SH2D4A: variants seen among roughly 807,000 people sequenced by gnomAD.
The protein encoded by SH2D4A is SH2 domain-containing protein 4A.
Under a neutral mutation model 64.7 loss-of-function variants are expected in SH2D4A, and 70 were observed. That is an observed-to-expected ratio of 1.08 (90% CI 0.89 to 1.32). The LOEUF (loss-of-function observed/expected upper bound fraction) is 1.32, where lower values mean the gene tolerates loss of function less well. SH2D4A is among the 40% of genes most tolerant of loss of function. SH2D4A has a pLI of 0.00. For missense variants in SH2D4A, 706 were observed against 540.1 expected, an observed-to-expected ratio of 1.31 and a Z score of -3.04; for synonymous variants, 268 against 200.7, an observed-to-expected ratio of 1.34 and a Z score of -2.83.
chr8:19,387,795 G>A lies in SH2D4A; in HGVS notation c.1049-5523G>A, dbSNP rs143070988. ...GATCTGTATAATGCAGATCAGTAGG[G>A]TTGTTCCTGCCTCAATATGTGCATG... On this transcript the variant is annotated intron_variant, in intron 8 of 9. Coordinates refer to ENST00000265807, the MANE Select transcript of SH2D4A (RefSeq NM_022071.4). Among the ~76,000 whole-genome samples the A allele has an allele frequency of 1.5e-3, 228 of 152,294 alleles. 7 individuals are homozygous for A. The East Asian group carries it at 0.033, about 22-fold the overall frequency.
chr8:19,393,646 A>T, intron 9 of SH2D4A, 105 bp downstream of exon 9: 11 of 1,023,886 alleles, frequency 1.1e-5, no homozygotes, highest in Non-Finnish European at 1.6e-5. Flanking sequence ...AGTACTGGGG[A>T]GGGGACAGGG....
intron 8 of SH2D4A, 60 bp from the exon 9 acceptor site, chr8:19,393,258 C>A: frequency 6.7e-7 from 1 of 1,492,688 alleles, no homozygotes; most frequent in Non-Finnish European, 9.3e-7. Context: ...CTGGATTTAA[C>A]AGAGGGGATT....
intron 8 of SH2D4A, among the ~76,000 whole-genome samples, chr8:19,391,625 G>A (rs967250071): frequency 1.3e-5 from 2 of 152,200 alleles, no homozygotes; most frequent in African/African-American, 2.4e-5. Context: ...CTGGGACTCT[G>A]CAGTGGGACA....
intron 2 of SH2D4A, among the ~76,000 whole-genome samples, chr8:19,326,764 G>A (rs960646092): frequency 6.6e-6 from 1 of 152,136 alleles, no homozygotes; most frequent in African/African-American, 2.4e-5. Context: ...TGAATCCAGT[G>A]GGGGTGGAGA....
intron 2 of SH2D4A, among the ~76,000 whole-genome samples, chr8:19,331,587 G>A (rs1254110557): frequency 6.6e-6 from 1 of 152,190 alleles, no homozygotes; most frequent in Non-Finnish European, 1.5e-5. Context: ...TATTTAAGTA[G>A]CTTCACCAAG....
At position 19,394,655 on chromosome 8, in the gene SH2D4A, G is replaced by A. The variant is rs377116883; in HGVS notation, c.*13G>A. ...GCTGTTTGAGTGACAGCCTCCATCA[G>A]GGTCATCCTACAGCCTCCAAGCGGG... On this transcript the variant is annotated 3_prime_UTR_variant, in exon 10 of 10. Coordinates refer to ENST00000265807, the MANE Select transcript of SH2D4A (RefSeq NM_022071.4). 1 of 1,594,578 alleles carries A rather than the reference G, an allele frequency of 6.3e-7. No individual in the cohort carries two copies. The highest frequency in any genetic ancestry group is 1.3e-5 in the African/African-American group (1 of 74,476).
At chr8:19,332,560 T>G (rs1451653823) in intron 2 of SH2D4A, among the ~76,000 whole-genome samples, 1 of 151,574 alleles carries the variant, frequency 6.6e-6, no homozygotes, top group African/African-American at 2.4e-5. Flanking sequence ...TAGCTGGGCA[T>G]GGTGGCAGGT....
intron 1 of SH2D4A, among the ~76,000 whole-genome samples, chr8:19,315,227 T>A (rs2052067215): frequency 6.6e-6 from 1 of 152,052 alleles, no homozygotes; most frequent in Non-Finnish European, 1.5e-5. Flanking sequence ...CCTCAAACTC[T>A]CCAACTCAAG....
At chr8:19,363,922 T>A (rs2052937763) in intron 6 of SH2D4A, 150 bp from the exon 7 acceptor site, 5 of 704,120 alleles carry the variant, frequency 7.1e-6, no homozygotes. Context: ...ATGGCCTGGA[T>A]CATAGGTGTT....
rs1220174712 is a variant in SH2D4A, at chr8:19,394,548, A to G, written c.1273-2A>G. ...TCTGACCCCGTGCCTTCTGATTGACAGGAGGAACCCATCACTTCCCTGGGG... is the reference window on the plus strand; with the variant it reads ...TCTGACCCCGTGCCTTCTGATTGACGGGAGGAACCCATCACTTCCCTGGGG... On this transcript the variant is annotated splice_acceptor_variant, in intron 9 of 9. Coordinates refer to ENST00000265807, the MANE Select transcript of SH2D4A (RefSeq NM_022071.4). LOFTEE classifies it high-confidence loss of function. 1.2e-6 allele frequency: 2 copies of G among 1,602,288 alleles called. No individual in the cohort carries two copies. The highest frequency in any genetic ancestry group is 1.3e-5 in the African/African-American group (1 of 74,754).
intron 8 of SH2D4A, among the ~76,000 whole-genome samples, chr8:19,380,989 G>C (rs749452570): frequency 1.3e-5 from 2 of 151,560 alleles, no homozygotes; most frequent in Non-Finnish European, 2.9e-5. Flanking sequence ...TCTAATCCAG[G>C]AACATGGGAT....
chr8:19,336,032 AG>A (rs1361813393), intron 4 of SH2D4A, among the ~76,000 whole-genome samples: 3 of 152,170 alleles, frequency 2.0e-5, no homozygotes, highest in Non-Finnish European at 2.9e-5. Context: ...GCCTCCTCCT[AG>A]GACCTAGTGA....
At chr8:19,384,671 TTA>T (rs890093959) in intron 8 of SH2D4A, among the ~76,000 whole-genome samples, 15 of 152,350 alleles carry the variant, frequency 9.8e-5, no homozygotes, top group African/African-American at 3.6e-4. Context: ...TGGCTTCAGA[TTA>T]TGAGTCTCCA....
At chr8:19,384,805 C>A (rs548303944) in intron 8 of SH2D4A, among the ~76,000 whole-genome samples, 1 of 152,160 alleles carries the variant, frequency 6.6e-6, no homozygotes, top group Non-Finnish European at 1.5e-5. Flanking sequence ...AGGTTCATTT[C>A]TTCATTCTAT....
intron 6 of SH2D4A, among the ~76,000 whole-genome samples, chr8:19,362,147 A>G (rs1294724951): frequency 3.9e-5 from 6 of 152,330 alleles, no homozygotes; most frequent in African/African-American, 1.2e-4. Flanking sequence ...GAGATCCTAC[A>G]TTGATCTGCA....
At chr8:19,336,329 G>A (rs1314078813) in intron 4 of SH2D4A, among the ~76,000 whole-genome samples, 1 of 152,080 alleles carries the variant, frequency 6.6e-6, no homozygotes, top group Non-Finnish European at 1.5e-5. Flanking sequence ...TTTATGAAGG[G>A]CTACAAATAT....
intron 1 of SH2D4A, among the ~76,000 whole-genome samples, chr8:19,314,462 G>A (rs956975101): frequency 2.0e-5 from 3 of 152,098 alleles, no homozygotes; most frequent in Non-Finnish European, 4.4e-5. Flanking sequence ...GGCGGGGCTG[G>A]CCCAGACCCA....
At chr8:19,342,613 G>A (rs191918004) in intron 4 of SH2D4A, among the ~76,000 whole-genome samples, 17 of 152,278 alleles carry the variant, frequency 1.1e-4, no homozygotes, top group Admixed American at 2.0e-4. Flanking sequence ...TTCCTGTTCC[G>A]AGTGGGGGGA....
chr8:19,357,834 G>A (rs780000429), intron 5 of SH2D4A, among the ~76,000 whole-genome samples: 3 of 152,126 alleles, frequency 2.0e-5, no homozygotes, highest in African/African-American at 4.8e-5. Flanking sequence ...CAAAATAAAT[G>A]AGGCATAGAC....
Sources: allele counts gnomAD v4.1 joint callset (sites outside exome capture counted in the v4.1 genomes callset), GRCh38; gene constraint gnomAD v4.1.1; transcripts MANE v1.5; gene names NCBI Gene and HGNC (gene_info 2026-07-23, HGNC 2026-07-21).